The following MYT1L variants were observed in gnomAD, a reference collection of about 807,000 sequenced individuals.
The protein encoded by MYT1L is myelin transcription factor 1 like.
Under a neutral mutation model 126.7 loss-of-function variants are expected in MYT1L, and 12 were observed. The ratio of observed to expected loss-of-function variants is 0.09; its 90% CI spans 0.06 to 0.15. The LOEUF (loss-of-function observed/expected upper bound fraction) is 0.15, where lower values mean the gene tolerates loss of function less well. Among genes scored for constraint, MYT1L ranks in the 10% least tolerant of loss-of-function variants. The pLI is 1.00. For missense variants in MYT1L, 979 were observed against 1,585.2 expected (o/e 0.62, Z 6.49); for synonymous variants, 541 against 604.2 (o/e 0.90, Z 1.53).
At chr2:2,312,283 T>C (rs961216102) in intron 1 of MYT1L, among the ~76,000 whole-genome samples, 3 of 152,190 alleles carry the variant, frequency 2.0e-5, no homozygotes, top group African/African-American at 7.2e-5. Context: ...GAGAAACAAT[T>C]TATTCTCTAT....
At chr2:2,221,506 G>GA (rs1559377719) in intron 2 of MYT1L, among the ~76,000 whole-genome samples, 1 of 151,680 alleles carries the variant, frequency 6.6e-6, no homozygotes, top group African/African-American at 2.4e-5. Flanking sequence ...GAATTTAAGA[G>GA]AAAAAAAAGT....
intron 2 of MYT1L, among the ~76,000 whole-genome samples, chr2:2,226,088 A>G (rs890006799): frequency 1.3e-5 from 2 of 152,040 alleles, no homozygotes; most frequent in Admixed American, 1.3e-4. Flanking sequence ...TTTCTTATAG[A>G]TGCATCCATG....
At chr2:2,009,323 T>C (rs1403491584) in intron 4 of MYT1L, among the ~76,000 whole-genome samples, 1 of 152,202 alleles carries the variant, frequency 6.6e-6, no homozygotes, top group Non-Finnish European at 1.5e-5. Context: ...ACAATACTAA[T>C]TCTTCCTAAT....
chr2:2,279,074 A>T (rs566349135), intron 2 of MYT1L, among the ~76,000 whole-genome samples: 14 of 152,174 alleles, frequency 9.2e-5, no homozygotes, highest in South Asian at 8.3e-4. Context: ...ATTATCTTTC[A>T]CCCCAAACTA....
intron 3 of MYT1L, among the ~76,000 whole-genome samples, chr2:2,115,717 G>A (rs1285850265): frequency 6.6e-6 from 1 of 152,242 alleles, no homozygotes; most frequent in African/African-American, 2.4e-5. Context: ...CTAGGAGGGC[G>A]CTGCCAAGGC....
intron 2 of MYT1L, among the ~76,000 whole-genome samples, chr2:2,225,262 T>G (rs1391894036): frequency 2.0e-5 from 3 of 152,136 alleles, no homozygotes; most frequent in African/African-American, 7.2e-5. Flanking sequence ...TCTGCAACAC[T>G]GCAAATTCAG....
chr2:1,855,380 T>C (rs974786680), intron 18 of MYT1L, among the ~76,000 whole-genome samples: 15 of 152,212 alleles, frequency 9.9e-5, no homozygotes, highest in African/African-American at 3.6e-4. Context: ...CCCCCGTGGA[T>C]AGAATCAGAT....
At chr2:1,846,911 G>T (rs2042576319) in intron 19 of MYT1L, among the ~76,000 whole-genome samples, 1 of 152,190 alleles carries the variant, frequency 6.6e-6, no homozygotes, top group East Asian at 1.9e-4. Context: ...GACTCTCCAA[G>T]GCAGACTTGC....
At chr2:2,146,264 T>C (rs940808269) in intron 3 of MYT1L, among the ~76,000 whole-genome samples, 1 of 152,260 alleles carries the variant, frequency 6.6e-6, no homozygotes, top group African/African-American at 2.4e-5. Context: ...TATGGATTTG[T>C]TGGCATTACA....
rs1281121503 is a variant in MYT1L at position 1,801,412 on chromosome 2, C to A, written c.3276+284G>T. ...TTGGAAGGAAAACCTTCATTGTTTG[C>A]AGGAACAGGCGATCCTCTGAAAATG... On this transcript the variant is annotated intron_variant, in intron 23 of 24. Transcript: ENST00000647738. The surrounding 1 kb of genome is among the most constrained non-coding windows in gnomAD (Gnocchi z 4.2). 1 of 308,074 alleles carries A rather than the reference C, an allele frequency of 3.2e-6. No individual in the cohort carries two copies. Among genetic ancestry groups the A allele is most frequent in the Non-Finnish European group, 5.9e-6 (1 of 169,832 alleles). 19.1% of individuals were successfully genotyped at this position (308,074 alleles called of 1,614,324 possible).
intron 18 of MYT1L, among the ~76,000 whole-genome samples, chr2:1,853,421 G>A (rs1406663464): frequency 6.6e-6 from 1 of 152,116 alleles, no homozygotes; most frequent in Admixed American, 6.6e-5. Flanking sequence ...AAGTTTGATC[G>A]TAAGACTATT....
rs952799321 is a variant in MYT1L, at chr2:2,062,538, G to A, written c.-303-8415C>T. ...TTTTGCTGCATCCCTGTCTTCCTCT[G>A]TCTTGATTTACTTGTTGTTGGTTTT... On this transcript the variant is annotated intron_variant, in intron 3 of 24. Coordinates refer to ENST00000647738, the MANE Select transcript of MYT1L (RefSeq NM_001303052.2). Among the ~76,000 whole-genome samples, 7 of 152,234 alleles carry A rather than the reference G, an allele frequency of 4.6e-5. No individual in the cohort carries two copies. In the East Asian group the frequency reaches 1.4e-3, roughly 29 times the overall value.
intron 2 of MYT1L, among the ~76,000 whole-genome samples, chr2:2,259,443 T>C (rs1057013486): frequency 2.0e-5 from 3 of 151,388 alleles, no homozygotes; most frequent in Admixed American, 6.6e-5. Context: ...AGGTGATAGA[T>C]GTATTAGTTA....
chr2:2,295,948 G>A (rs1375813393), intron 1 of MYT1L, among the ~76,000 whole-genome samples: 1 of 151,366 alleles, frequency 6.6e-6, no homozygotes, highest in East Asian at 2.0e-4. Context: ...GGAGGAGAGA[G>A]AGGTAGAGAA....
At chr2:2,115,307 A>C (rs1285689279) in intron 3 of MYT1L, among the ~76,000 whole-genome samples, 6 of 152,228 alleles carry the variant, frequency 3.9e-5, no homozygotes, top group African/African-American at 1.4e-4. Flanking sequence ...GTCCCCTGCT[A>C]TATCTCCAGC....
intron 3 of MYT1L, among the ~76,000 whole-genome samples, chr2:2,056,650 C>T (rs2150121770): frequency 6.6e-6 from 1 of 152,322 alleles, no homozygotes; most frequent in South Asian, 2.1e-4. Context: ...TATGCACCCA[C>T]GGTTCTGGCT....
intron 2 of MYT1L, among the ~76,000 whole-genome samples, chr2:2,181,336 A>T (rs899774777): frequency 6.6e-6 from 1 of 152,094 alleles, no homozygotes; most frequent in Non-Finnish European, 1.5e-5. Flanking sequence ...AAAACATGAG[A>T]GTCTACCTGG....
At chr2:2,292,990 TTA>T (rs374547448) in intron 1 of MYT1L, among the ~76,000 whole-genome samples, 3 of 152,284 alleles carry the variant, frequency 2.0e-5, no homozygotes, top group Middle Eastern at 3.4e-3. Flanking sequence ...TCTTGCATGT[TTA>T]TGTTTCATTT....
chr2:2,097,486 T>C (rs2077566513), intron 3 of MYT1L, among the ~76,000 whole-genome samples: 1 of 152,168 alleles, frequency 6.6e-6, no homozygotes. Context: ...ATGCATCTTC[T>C]CATCTCATTA....
Sources: gnomAD v4.1 joint callset for allele counts (sites outside exome capture counted in the v4.1 genomes callset) on GRCh38, gnomAD v4.1.1 for gene constraint, Gnocchi (gnomAD v3.1) non-coding constraint, MANE v1.5 for transcripts, NCBI Gene and HGNC (gene_info 2026-07-23, HGNC 2026-07-21) for gene names.